Variants in STARD3NL observed in about 807,000 individuals in gnomAD.
STARD3NL encodes the protein STARD3 N-terminal-like protein.
Under a neutral mutation model 30.9 loss-of-function variants are expected in STARD3NL, and 17 were observed. The observed-to-expected ratio is 0.55, with a 90% confidence interval of 0.38 to 0.82. The LOEUF (loss-of-function observed/expected upper bound fraction) is 0.82. STARD3NL is among the 40% of genes least tolerant of loss of function. STARD3NL has a pLI of 0.00. For missense variants in STARD3NL, 234 were observed against 277.6 expected, an observed-to-expected ratio of 0.84 and a Z score of 1.12; for synonymous variants, 112 against 100.5, an observed-to-expected ratio of 1.11 and a Z score of -0.69.
chr7:38,190,526 T>G (rs768749727), intron 1 of STARD3NL, among the ~76,000 whole-genome samples: 1 of 152,262 alleles, frequency 6.6e-6, no homozygotes, highest in Non-Finnish European at 1.5e-5. Context: ...AACAGCCTTA[T>G]GCCCTTACGT....
intron 4 of STARD3NL, chr7:38,216,317 TA>T (rs1310526891): frequency 6.6e-6 from 1 of 152,210 alleles, no homozygotes; most frequent in Non-Finnish European, 1.5e-5. Context: ...ATTCTTGTTT[TA>T]AAAAACATTT....
chr7:38,220,072 C>G (rs1583825855), intron 7 of STARD3NL, among the ~76,000 whole-genome samples: 2 of 152,190 alleles, frequency 1.3e-5, no homozygotes, highest in East Asian at 1.9e-4. Flanking sequence ...TGGCTCACAT[C>G]TCATCATTCA....
intron 1 of STARD3NL, among the ~76,000 whole-genome samples, chr7:38,184,581 C>T (rs892751611): frequency 1.3e-5 from 2 of 149,370 alleles, no homozygotes; most frequent in Non-Finnish European, 3.0e-5. Context: ...TCACTCATCA[C>T]CAAGGGGATG....
intron 2 of STARD3NL, among the ~76,000 whole-genome samples, chr7:38,210,427 T>G (rs946068382): frequency 6.6e-6 from 1 of 152,202 alleles, no homozygotes; most frequent in Non-Finnish European, 1.5e-5. Flanking sequence ...CTTAGCCACC[T>G]TCCCTCCTTG....
chr7:38,199,470 G>A (rs1190861885), intron 1 of STARD3NL, among the ~76,000 whole-genome samples: 2 of 152,216 alleles, frequency 1.3e-5, no homozygotes, highest in Non-Finnish European at 2.9e-5. Flanking sequence ...TGTCTGTCGT[G>A]TGCTGTGGTC....
At chr7:38,221,623 T>C (rs1786466829) in intron 7 of STARD3NL, among the ~76,000 whole-genome samples, 1 of 152,230 alleles carries the variant, frequency 6.6e-6, no homozygotes, top group Non-Finnish European at 1.5e-5. Context: ...TTCATGCTTA[T>C]AACTGCTAAA....
chr7:38,219,456 C>T, intron 6 of STARD3NL, 109 bp from the exon 7 acceptor site: 2 of 682,344 alleles, frequency 2.9e-6, no homozygotes, highest in Admixed American at 5.2e-5. Context: ...ACCTCTTTTT[C>T]TAAAGGTATT....
At chr7:38,199,990 C>G (rs144889983) in intron 1 of STARD3NL, among the ~76,000 whole-genome samples, 12 of 152,310 alleles carry the variant, frequency 7.9e-5, no homozygotes, top group African/African-American at 2.9e-4. Flanking sequence ...CAGCTCTAAT[C>G]TAGTCTGTGG....
At chr7:38,221,538 T>A (rs1484519026) in intron 7 of STARD3NL, among the ~76,000 whole-genome samples, 1 of 152,182 alleles carries the variant, frequency 6.6e-6, no homozygotes, top group Non-Finnish European at 1.5e-5. Context: ...CACAGAGAAG[T>A]GAAGCAATTT....
At chr7:38,210,175 C>T (rs1006397430) in intron 2 of STARD3NL, among the ~76,000 whole-genome samples, 6 of 152,026 alleles carry the variant, frequency 3.9e-5, no homozygotes, top group Non-Finnish European at 7.4e-5. Context: ...TTACATTTAC[C>T]AAATGCCAGA....
chr7:38,186,207 A>G (rs1784450362), intron 1 of STARD3NL, among the ~76,000 whole-genome samples: 1 of 152,190 alleles, frequency 6.6e-6, no homozygotes, highest in Non-Finnish European at 1.5e-5. Flanking sequence ...CGACTCCTTG[A>G]GTGCTGGTCT....
chr7:38,220,376 T>C (rs571622934), intron 7 of STARD3NL, among the ~76,000 whole-genome samples: 20 of 152,336 alleles, frequency 1.3e-4, no homozygotes, highest in African/African-American at 4.8e-4. Context: ...ACATAAAAGA[T>C]GCTTAACATC....
intron 6 of STARD3NL, among the ~76,000 whole-genome samples, chr7:38,218,697 G>A (rs914432263): frequency 4.6e-5 from 7 of 152,152 alleles, no homozygotes; most frequent in Non-Finnish European, 7.3e-5. Context: ...TGCTTCCTCC[G>A]ACTTTATCCT....
intron 1 of STARD3NL, among the ~76,000 whole-genome samples, chr7:38,182,454 A>G (rs996724494): frequency 1.3e-5 from 2 of 152,204 alleles, no homozygotes; most frequent in African/African-American, 4.8e-5. Flanking sequence ...ACTGAGGCCC[A>G]GAGAGACTAG....
At chr7:38,214,923 C>A in intron 3 of STARD3NL, 105 bp from the exon 4 acceptor site, 1 of 1,010,822 alleles carries the variant, frequency 9.9e-7, no homozygotes, top group Non-Finnish European at 1.5e-6. Context: ...CCCTGGTAGT[C>A]TCCAGCTAAA....
intron 1 of STARD3NL, among the ~76,000 whole-genome samples, chr7:38,206,274 A>G (rs10251985): frequency 0.83 from 125,944 of 152,076 alleles, 52,314 homozygotes; most frequent in African/African-American, 0.88. Context: ...GGTGAGCCAC[A>G]TACTGGCGAT....
At chr7:38,188,202 C>T (rs903476329) in intron 1 of STARD3NL, among the ~76,000 whole-genome samples, 6 of 151,120 alleles carry the variant, frequency 4.0e-5, no homozygotes, top group African/African-American at 1.2e-4. Context: ...CACACAAGGC[C>T]CAGCCCTTTG....
At chr7:38,211,350 G>T (rs1785791533) in intron 2 of STARD3NL, among the ~76,000 whole-genome samples, 1 of 131,844 alleles carries the variant, frequency 7.6e-6, no homozygotes, top group Non-Finnish European at 1.5e-5. Context: ...ATGGGAGGAT[G>T]ATCTGGGAAG....
At chr7:38,205,589 G>A (rs1785416297) in intron 1 of STARD3NL, among the ~76,000 whole-genome samples, 1 of 151,734 alleles carries the variant, frequency 6.6e-6, no homozygotes, top group Non-Finnish European at 1.5e-5. Context: ...TACTATTATA[G>A]ATACCTTATG....
Sources: allele counts gnomAD v4.1 joint callset (sites outside exome capture counted in the v4.1 genomes callset), GRCh38; gene constraint gnomAD v4.1.1; transcripts MANE v1.5; gene names NCBI Gene and HGNC (gene_info 2026-07-23, HGNC 2026-07-21).